Variants in PCSK2 observed in about 807,000 individuals in gnomAD.
The protein encoded by PCSK2 is neuroendocrine convertase 2.
PCSK2 carries 14 observed loss-of-function variants against 69.7 expected under a neutral mutation model. The observed-to-expected ratio is 0.20, with a 90% CI of 0.13 to 0.31. The LOEUF (loss-of-function observed/expected upper bound fraction) is 0.31, where lower values mean the gene tolerates loss of function less well. Among genes scored for constraint, PCSK2 ranks in the 10% least tolerant of loss-of-function variants. PCSK2 has a pLI of 1.00. For missense variants in PCSK2, 544 were observed against 842.5 expected, an observed-to-expected ratio of 0.65 and a Z score of 4.39; for synonymous variants, 307 against 320.7, an observed-to-expected ratio of 0.96 and a Z score of 0.46.
At chr20:17,353,287 C>T (rs150114098) in intron 2 of PCSK2, among the ~76,000 whole-genome samples, 1,911 of 114,100 alleles carry the variant, frequency 0.017, 16 homozygotes, top group East Asian at 0.042. Context: ...ACTGTGAAAC[C>T]CTGTCTCCAA....
chr20:17,265,119 C>T (rs1368105457), intron 2 of PCSK2, among the ~76,000 whole-genome samples: 2 of 152,138 alleles, frequency 1.3e-5, no homozygotes, highest in South Asian at 4.1e-4. Context: ...CCGCCTTGGC[C>T]TCCCAAAATG....
At position 17,328,604 on chromosome 20, in the gene PCSK2, T is replaced by C. The variant is rs144082675; in HGVS notation, c.283-29723T>C. Among the ~76,000 whole-genome samples the C allele has an allele frequency of 1.2e-4, 18 of 152,156 alleles. No individual in the cohort carries two copies. In the East Asian group the frequency reaches 3.3e-3, roughly 28 times the overall value. Reference sequence around the variant, plus strand: ...TTTTACTGATACACTGTATGTTTGGTGAGAAAGGGTGCTATGTATGGTAAA... The same window carrying C: ...TTTTACTGATACACTGTATGTTTGGCGAGAAAGGGTGCTATGTATGGTAAA... On this transcript the variant is annotated intron_variant, in intron 2 of 11. Transcript: ENST00000262545.
chr20:17,405,749 C>A (rs79349281), intron 5 of PCSK2, among the ~76,000 whole-genome samples: 2 of 152,078 alleles, frequency 1.3e-5, no homozygotes, highest in African/African-American at 2.4e-5. Context: ...AGAAATTAAG[C>A]CTTAGAATTA....
intron 1 of PCSK2, among the ~76,000 whole-genome samples, chr20:17,244,770 T>G (rs1211088900): frequency 6.6e-6 from 1 of 152,202 alleles, no homozygotes; most frequent in Non-Finnish European, 1.5e-5. Context: ...CCAAGGCATC[T>G]GTGACTAGAA....
chr20:17,245,921 G>A (rs1401713477), intron 1 of PCSK2, among the ~76,000 whole-genome samples: 1 of 152,154 alleles, frequency 6.6e-6, no homozygotes, highest in African/African-American at 2.4e-5. Context: ...TAGTTAGACA[G>A]CCTGCTTGAC....
intron 5 of PCSK2, among the ~76,000 whole-genome samples, chr20:17,395,492 AG>A (rs1254817406): frequency 6.6e-6 from 1 of 152,138 alleles, no homozygotes; most frequent in East Asian, 1.9e-4. Context: ...ATGCTTTCTG[AG>A]TCAGAAGGTC....
intron 5 of PCSK2, among the ~76,000 whole-genome samples, chr20:17,370,326 C>T (rs763514681): frequency 5.3e-5 from 8 of 152,118 alleles, no homozygotes; most frequent in East Asian, 3.9e-4. Flanking sequence ...TCCTGGAAGG[C>T]GAGTGTCTCT....
chr20:17,419,436 C>A (rs1011966482), intron 6 of PCSK2, among the ~76,000 whole-genome samples: 2 of 152,112 alleles, frequency 1.3e-5, no homozygotes, highest in African/African-American at 4.8e-5. Flanking sequence ...ATACATTTGA[C>A]CAAACAAAAT....
intron 4 of PCSK2, among the ~76,000 whole-genome samples, chr20:17,362,549 A>G (rs1367439131): frequency 2.0e-5 from 3 of 152,120 alleles, no homozygotes; most frequent in Admixed American, 2.0e-4. Context: ...CTCCCTTTCC[A>G]TGGAGTCTGA....
At chr20:17,237,915 C>T (rs184484360) in intron 1 of PCSK2, among the ~76,000 whole-genome samples, 11 of 152,274 alleles carry the variant, frequency 7.2e-5, no homozygotes, top group African/African-American at 1.4e-4. Flanking sequence ...TATTTATACA[C>T]GCATTGCATT....
intron 5 of PCSK2, among the ~76,000 whole-genome samples, chr20:17,396,083 C>G (rs2031504262): frequency 6.6e-6 from 1 of 152,342 alleles, no homozygotes; most frequent in East Asian, 1.9e-4. Context: ...CATCAGAGAA[C>G]ACCCAGTCAA....
intron 2 of PCSK2, among the ~76,000 whole-genome samples, chr20:17,319,258 T>C (rs1989790513): frequency 6.6e-6 from 1 of 152,200 alleles, no homozygotes; most frequent in African/African-American, 2.4e-5. Context: ...ACATAATAGA[T>C]TACCACAAAA....
At chr20:17,409,379 TG>T in intron 6 of PCSK2, 40 bp downstream of exon 6, 1 of 1,374,934 alleles carries the variant, frequency 7.3e-7, no homozygotes, top group South Asian at 1.2e-5. Flanking sequence ...CTTTAGGCTT[TG>T]GGGTTTTATT....
At chr20:17,367,024 T>A (rs1057391578) in intron 4 of PCSK2, among the ~76,000 whole-genome samples, 4 of 151,866 alleles carry the variant, frequency 2.6e-5, no homozygotes, top group Admixed American at 2.6e-4. Context: ...TTACACTTAT[T>A]TAGATAAGTT....
intron 6 of PCSK2, among the ~76,000 whole-genome samples, chr20:17,411,932 A>G (rs1474505650): frequency 6.6e-6 from 1 of 152,240 alleles, no homozygotes; most frequent in African/African-American, 2.4e-5. Flanking sequence ...CCTGCAGCTG[A>G]GGGACCTGAC....
chr20:17,245,296 T>C (rs1280673852), intron 1 of PCSK2, among the ~76,000 whole-genome samples: 1 of 152,234 alleles, frequency 6.6e-6, no homozygotes, highest in Non-Finnish European at 1.5e-5. Context: ...GTTCCTTTCC[T>C]CTAGCCTTGT....
intron 5 of PCSK2, among the ~76,000 whole-genome samples, chr20:17,391,649 A>C (rs1044290126): frequency 3.9e-5 from 6 of 152,142 alleles, no homozygotes; most frequent in African/African-American, 1.4e-4. Flanking sequence ...TTATTCTCCC[A>C]AATGTGTGCT....
intron 5 of PCSK2, among the ~76,000 whole-genome samples, chr20:17,401,963 G>A (rs1055459223): frequency 6.6e-6 from 1 of 152,150 alleles, no homozygotes; most frequent in Admixed American, 6.5e-5. Flanking sequence ...AGGAATGTAC[G>A]CTTTTAGGGA....
At chr20:17,417,802 G>A (rs1053846857) in intron 6 of PCSK2, among the ~76,000 whole-genome samples, 10 of 152,336 alleles carry the variant, frequency 6.6e-5, no homozygotes, top group African/African-American at 2.2e-4. Context: ...TGTGGCAGGA[G>A]GGAAGAGAAT....
Sources: gnomAD v4.1 joint callset for allele counts (sites outside exome capture counted in the v4.1 genomes callset) on GRCh38, gnomAD v4.1.1 for gene constraint, MANE v1.5 for transcripts, NCBI Gene and HGNC (gene_info 2026-07-23, HGNC 2026-07-21) for gene names.